ARHGEF18: variants seen among roughly 807,000 people sequenced by gnomAD.
ARHGEF18 encodes rho guanine nucleotide exchange factor 18.
Under a neutral mutation model 155.7 loss-of-function variants are expected in ARHGEF18, and 93 were observed. The observed-to-expected ratio is 0.60, with a 90% CI of 0.50 to 0.71. The LOEUF (loss-of-function observed/expected upper bound fraction) is 0.71, where lower values mean the gene tolerates loss of function less well. Ranked by LOEUF, ARHGEF18 falls within the 30% of genes least tolerant of loss-of-function variation. ARHGEF18 has a pLI of 0.00. For synonymous variants in ARHGEF18, 742 were observed against 753.1 expected (o/e 0.99, Z 0.24); for missense variants, 1,593 against 1,816.1 (o/e 0.88, Z 2.23).
intron 14 of ARHGEF18, among the ~76,000 whole-genome samples, chr19:7,445,558 G>A (rs1312343110): frequency 1.3e-5 from 2 of 152,136 alleles, no homozygotes; most frequent in South Asian, 4.1e-4. Context: ...CCCTTCATGT[G>A]ACCTCAAACT....
chr19:7,478,393 C>T, the ARHGEF18 span: 14 of 1,603,858 alleles, frequency 8.7e-6, no homozygotes, highest in Non-Finnish European at 1.2e-5. Context: ...CACCAGAGCC[C>T]GAGGGAGGAT....
chr19:7,398,665 T>C (rs370176020), intron 10 of ARHGEF18, among the ~76,000 whole-genome samples: 2 of 146,236 alleles, frequency 1.4e-5, no homozygotes, highest in East Asian at 4.0e-4. Context: ...CACTCCAGCC[T>C]GGGCAACAGA....
chr19:7,386,757 T>A (rs2145483739), intron 10 of ARHGEF18, among the ~76,000 whole-genome samples: 1 of 152,136 alleles, frequency 6.6e-6, no homozygotes, highest in East Asian at 1.9e-4. Context: ...GAGGACCCTG[T>A]CACTTGTCAC....
intron 1 of ARHGEF18, chr19:7,355,848 TC>T: frequency 3.0e-6 from 1 of 329,888 alleles, no homozygotes; most frequent in Non-Finnish European, 4.3e-6. Context: ...CCCCTGATTC[TC>T]CAGGGCCCCC....
At chr19:7,386,013 T>C (rs1346684591) in intron 10 of ARHGEF18, among the ~76,000 whole-genome samples, 2 of 125,100 alleles carry the variant, frequency 1.6e-5, no homozygotes, top group Admixed American at 1.7e-4. Flanking sequence ...TCTTTCTCTC[T>C]CTCTCCCTCT....
chr19:7,415,473 G>A (rs974740108), intron 10 of ARHGEF18, among the ~76,000 whole-genome samples: 3 of 151,858 alleles, frequency 2.0e-5, no homozygotes, highest in African/African-American at 7.3e-5. Flanking sequence ...TGCAGCCATC[G>A]TTTCGAGAAG....
chr19:7,403,099 C>T lies in ARHGEF18; in HGVS notation c.967+19896C>T, dbSNP rs142159367. On this transcript the variant is annotated intron_variant, in intron 10 of 28. Transcript: ENST00000668164. ...CGCGATCTCGGCTCACTGTAACCTC[C>T]GCCTCCTGGGTTCAAGCAATTCTCT... Among the ~76,000 whole-genome samples the T allele has an allele frequency of 3.3e-5, 5 of 152,230 alleles. No individual in the cohort carries two copies. The South Asian group carries it at 8.3e-4, about 25-fold the overall frequency.
chr19:7,405,250 C>T (rs112268371), intron 10 of ARHGEF18, among the ~76,000 whole-genome samples: 11 of 152,318 alleles, frequency 7.2e-5, no homozygotes, highest in South Asian at 4.1e-4. Flanking sequence ...TGAGCCACCG[C>T]GCCCAGCGAC....
chr19:7,421,053 C>T (rs116446508), intron 10 of ARHGEF18, among the ~76,000 whole-genome samples: 8,830 of 152,246 alleles, frequency 0.058, 807 homozygotes, highest in African/African-American at 0.2. Context: ...ACCTCAGCCT[C>T]CTGAGTAGCT....
At chr19:7,409,768 C>CT (rs916335135) in intron 10 of ARHGEF18, among the ~76,000 whole-genome samples, 43 of 23,102 alleles carry the variant, frequency 1.9e-3, no homozygotes, top group South Asian at 3.3e-3. Context: ...TTCTTTCTTT[C>CT]TTTTTTTTTT....
Position 7,467,692 on chromosome 19 carries a change from C to A in ARHGEF18, c.3480+8C>A. ...CCCGACACACTGGCCGAGGTGAGCGCGCAGCAGCCAGTGTGCGCAGGTTGG... is the reference window on the plus strand; with the variant it reads ...CCCGACACACTGGCCGAGGTGAGCGAGCAGCAGCCAGTGTGCGCAGGTTGG... On this transcript the variant is annotated splice_region_variant and intron_variant, in intron 26 of 28. Coordinates refer to ENST00000668164, the MANE Select transcript of ARHGEF18 (RefSeq NM_001367823.1). The A allele has an allele frequency of 6.8e-7, 1 of 1,477,078 alleles. No individual in the cohort carries two copies. The highest frequency in any genetic ancestry group is 8.9e-7 in the Non-Finnish European group (1 of 1,123,676). The allele number at this position is 1,477,078 out of a possible 1,614,324, so 91.5% of individuals were successfully genotyped here. A position where few individuals can be genotyped will look rare whatever the true frequency, so the allele number is the denominator to read the frequency against.
In ARHGEF18 at chr19:7,467,054, CCCTCT is replaced by C; in HGVS notation, c.2962-9_2962-5del. Reference sequence around the variant, plus strand: ...TCAGCCCGATAACTAGCATCAATCTCCCTCTCCTCTCCGCAGCTTGTCCAGCGGAT... The same window carrying C: ...TCAGCCCGATAACTAGCATCAATCTCCCTCTCCGCAGCTTGTCCAGCGGAT... On this transcript the variant is annotated splice_polypyrimidine_tract_variant and intron_variant, in intron 24 of 28. Transcript: ENST00000668164. The C allele has an allele frequency of 6.2e-7, 1 of 1,610,360 alleles. No homozygotes were observed. Among genetic ancestry groups the C allele is most frequent in the Admixed American group, 1.7e-5 (1 of 59,940 alleles).
At chr19:7,473,792 G>C (rs1476632056), downstream of ARHGEF18, among the ~76,000 whole-genome samples, 1 of 122,106 alleles carries the variant, frequency 8.2e-6, no homozygotes. Context: ...CTAGGCAATA[G>C]AGCGAGACTC....
At chr19:7,362,033 A>G (rs1470381913) in intron 1 of ARHGEF18, among the ~76,000 whole-genome samples, 1 of 49,616 alleles carries the variant, frequency 2.0e-5, no homozygotes, top group Non-Finnish European at 3.5e-5. Context: ...GAGAAGGAGA[A>G]GGAGAAGGAG....
At chr19:7,385,889 T>TCTC (rs1971021550) in intron 10 of ARHGEF18, among the ~76,000 whole-genome samples, 1 of 26,810 alleles carries the variant, frequency 3.7e-5, no homozygotes, top group African/African-American at 2.8e-4. Flanking sequence ...CCTCTCTCCC[T>TCTC]CCCTCCCTCT....
intron 10 of ARHGEF18, among the ~76,000 whole-genome samples, chr19:7,396,367 G>A (rs1201796714): frequency 6.6e-6 from 1 of 152,102 alleles, no homozygotes; most frequent in African/African-American, 2.4e-5. Context: ...CAGCCCAGTG[G>A]CCAAGGGATG....
In ARHGEF18 at chr19:7,421,034, G is replaced by C. The variant is rs148071311; in HGVS notation, c.968-19310G>C. ...CCGCCTCCACCTTCCGGGCTCAAGT[G>C]GTCCTTCCACCTCAGCCTCCTGAGT... is the stretch of plus-strand genomic sequence containing the variant. On this transcript the variant is annotated intron_variant, in intron 10 of 28. Coordinates refer to ENST00000668164, the MANE Select transcript of ARHGEF18 (RefSeq NM_001367823.1). Among the ~76,000 whole-genome samples the C allele has an allele frequency of 8.2e-4, 125 of 152,192 alleles. 1 individual carries two copies. Among genetic ancestry groups the C allele is most frequent in the African/African-American group, 2.7e-3 (112 of 41,534 alleles).
At chr19:7,426,806 C>T (rs904827630) in intron 10 of ARHGEF18, among the ~76,000 whole-genome samples, 1 of 152,126 alleles carries the variant, frequency 6.6e-6, no homozygotes, top group African/African-American at 2.4e-5. Flanking sequence ...ACTTTTAGGA[C>T]GAGACTGGTC....
chr19:7,438,619 T>C (rs933386702), intron 10 of ARHGEF18, among the ~76,000 whole-genome samples: 1 of 151,412 alleles, frequency 6.6e-6, no homozygotes, highest in African/African-American at 2.4e-5. Flanking sequence ...CCATGTTGGC[T>C]AGGCTAGTCT....
Sources: allele counts gnomAD v4.1 joint callset (sites outside exome capture counted in the v4.1 genomes callset), GRCh38; gene constraint gnomAD v4.1.1; transcripts MANE v1.5; gene names NCBI Gene and HGNC (gene_info 2026-07-23, HGNC 2026-07-21).